Variants in PTCHD1 observed in about 807,000 individuals in gnomAD.
PTCHD1 encodes the protein patched domain-containing protein 1.
Under a neutral mutation model 34.6 loss-of-function variants are expected in PTCHD1, and 3 were observed. The ratio of observed to expected loss-of-function variants is 0.09; its 90% CI spans 0.04 to 0.22. The LOEUF is 0.22. PTCHD1 is among the 10% of genes least tolerant of loss of function. PTCHD1 has a pLI of 1.00. For missense variants in PTCHD1, 504 were observed against 685.5 expected, an observed-to-expected ratio of 0.74 and a Z score of 2.96; for synonymous variants, 305 against 283.1, an observed-to-expected ratio of 1.08 and a Z score of -0.77.
chrX:23,392,433 G>A (rs1463476663), intron 2 of PTCHD1, 98 bp from the exon 3 acceptor site: 6 of 586,994 alleles, frequency 1.0e-5, no homozygotes, highest in East Asian at 6.7e-5. Flanking sequence ...GGTTGATTAC[G>A]TTTCCTTTGA....
chrX:23,363,338 C>G (rs1485577719), intron 1 of PTCHD1, among the ~76,000 whole-genome samples: 1 of 112,593 alleles, frequency 8.9e-6, no homozygotes, highest in African/African-American at 3.2e-5. Context: ...GCTTTGTTTA[C>G]CTGCTCAAGC....
At chrX:23,334,760 C>G (rs1217519444), upstream of PTCHD1, 1 of 146,286 alleles carries the variant, frequency 6.8e-6, no homozygotes, top group Admixed American at 1.0e-4. Context: ...TCGCCGCCGC[C>G]GCCGTCGCCG....
At chrX:23,372,859 T>C (rs1922315026) in intron 1 of PTCHD1, among the ~76,000 whole-genome samples, 1 of 112,039 alleles carries the variant, frequency 8.9e-6, no homozygotes, top group Admixed American at 9.5e-5. Flanking sequence ...AGTGAGGATT[T>C]AGGGAATTTA....
intron 1 of PTCHD1, among the ~76,000 whole-genome samples, chrX:23,378,009 T>C (rs1023092539): frequency 1.8e-5 from 2 of 112,083 alleles, no homozygotes; most frequent in Admixed American, 9.5e-5. Flanking sequence ...TCATCAGATA[T>C]GTCATAATGG....
rs868127808 is a variant in PTCHD1 at position 23,335,212 on chromosome X, G to A, written c.337G>A (p.Asp113Asn). The A allele has an allele frequency of 3.3e-6, 4 of 1,207,444 alleles. No homozygotes were observed. In the African/African-American group the frequency reaches 5.2e-5, roughly 16 times the overall value. ...CAACATGCTGGACCAGCATCACACCGACCTGATCTTAAAGGTGAGAGGGGA... is the reference window on the plus strand; with the variant it reads ...CAACATGCTGGACCAGCATCACACCAACCTGATCTTAAAGGTGAGAGGGGA... ...KANMLDQHHT[D>N]LILKLHAAVT... Residue 113 changes from aspartate (D) to asparagine (N), a missense_variant, in exon 1 of 3, where the codon GAC (aspartate) becomes AAC (asparagine). Physicochemically the swap from Asp to Asn is conservative, Grantham distance 23. Transcript: ENST00000379361.
At position 23,396,576 on chromosome X, in the gene PTCHD1, G is replaced by A. The variant is rs1177937690; in HGVS notation, c.*2391G>A. 8.9e-6 allele frequency: 1 copy of A among 112,118 alleles called. No individual in the cohort carries two copies. Among genetic ancestry groups the A allele is most frequent in the Non-Finnish European group, 1.9e-5 (1 of 53,161 alleles). The allele number at this position is 112,118 out of a possible 1,213,427, so 9.2% of individuals were successfully genotyped here. On this transcript the variant is annotated 3_prime_UTR_variant, in exon 3 of 3. Coordinates refer to ENST00000379361, the MANE Select transcript of PTCHD1 (RefSeq NM_173495.3). ...GACACAACACACACACCAATTAAAT[G>A]GATTTTGTTGAGAATTTAATCATTC...
At chrX:23,361,640 C>T (rs1921987325) in intron 1 of PTCHD1, among the ~76,000 whole-genome samples, 1 of 111,722 alleles carries the variant, frequency 9.0e-6, no homozygotes, top group Non-Finnish European at 1.9e-5. Context: ...GGGCATTTAG[C>T]CCATTTACAT....
rs1358854548 is a variant in PTCHD1, at chrX:23,396,293, GAAGATAAT to G, written c.*2112_*2119del. On this transcript the variant is annotated 3_prime_UTR_variant, in exon 3 of 3. Coordinates refer to ENST00000379361, the MANE Select transcript of PTCHD1 (RefSeq NM_173495.3). Reference sequence around the variant, plus strand: ...TACCAACGTGTTATACACTCAACTAGAAGATAATAAGCTTTAATCTGAGGGCAAGTACA... The same window carrying G: ...TACCAACGTGTTATACACTCAACTAGAAGCTTTAATCTGAGGGCAAGTACA... The G allele has an allele frequency of 8.9e-6, 1 of 112,089 alleles. No individual in the cohort carries two copies. Among genetic ancestry groups the G allele is most frequent in the African/African-American group, 3.3e-5 (1 of 30,742 alleles). The allele number at this position is 112,089 out of a possible 1,213,427, so 9.2% of individuals were successfully genotyped here. A position where few individuals can be genotyped will look rare whatever the true frequency, so the allele number is the denominator to read the frequency against.
rs1159205068 is a variant in PTCHD1, at chrX:23,401,101, G to T, written c.*6916G>T. Reference sequence around the variant, plus strand: ...TCACCGTGTTACCCATGATAGTCTCGATCTCCTAACCTCGTGATCCACCCG... The same window carrying T: ...TCACCGTGTTACCCATGATAGTCTCTATCTCCTAACCTCGTGATCCACCCG... On this transcript the variant is annotated 3_prime_UTR_variant, in exon 3 of 3. Transcript: ENST00000379361. The T allele has an allele frequency of 9.4e-6, 1 of 106,265 alleles. No individual in the cohort carries two copies. Among genetic ancestry groups the T allele is most frequent in the African/African-American group, 3.5e-5 (1 of 28,754 alleles). 8.8% of individuals were successfully genotyped at this position (106,265 alleles called of 1,213,427 possible). A position where few individuals can be genotyped will look rare whatever the true frequency, so the allele number is the denominator to read the frequency against.
intron 1 of PTCHD1, among the ~76,000 whole-genome samples, chrX:23,369,675 A>C (rs748256346): frequency 2.7e-5 from 3 of 111,784 alleles, no homozygotes; most frequent in Non-Finnish European, 5.6e-5. Context: ...AGTACCTTTT[A>C]GTTTCCTTCT....
At chrX:23,357,792 C>T (rs991659967) in intron 1 of PTCHD1, among the ~76,000 whole-genome samples, 1 of 111,344 alleles carries the variant, frequency 9.0e-6, no homozygotes, top group African/African-American at 3.3e-5. Context: ...GTATTTCTCC[C>T]AGTGCCATCC....
Position 23,403,843 on chromosome X carries a change from A to G in PTCHD1, c.*9658A>G, listed in dbSNP as rs779050728. 1.8e-5 allele frequency: 2 copies of G among 111,888 alleles called. No individual in the cohort carries two copies. The highest frequency in any genetic ancestry group is 3.8e-5 in the Non-Finnish European group (2 of 53,201). 9.2% of individuals were successfully genotyped at this position (111,888 alleles called of 1,213,427 possible). A position where few individuals can be genotyped will look rare whatever the true frequency, so the allele number is the denominator to read the frequency against. On this transcript the variant is annotated 3_prime_UTR_variant, in exon 3 of 3. Coordinates refer to ENST00000379361, the MANE Select transcript of PTCHD1 (RefSeq NM_173495.3). Reference sequence around the variant, plus strand: ...TGTACAGTATTTTTCCCTTTTAAAGATAGTTTAAAAAATCAAGGTAATAAA... The same window carrying G: ...TGTACAGTATTTTTCCCTTTTAAAGGTAGTTTAAAAAATCAAGGTAATAAA...
rs1307661167 is a variant in PTCHD1 at position 23,396,664 on chromosome X, A to G, written c.*2479A>G. 1.8e-5 allele frequency: 2 copies of G among 111,862 alleles called. No individual in the cohort carries two copies. Among genetic ancestry groups the G allele is most frequent in the Non-Finnish European group, 3.8e-5 (2 of 53,092 alleles). The allele number at this position is 111,862 out of a possible 1,213,427, so 9.2% of individuals were successfully genotyped here. A position where few individuals can be genotyped will look rare whatever the true frequency, so the allele number is the denominator to read the frequency against. On this transcript the variant is annotated 3_prime_UTR_variant, in exon 3 of 3. Coordinates refer to ENST00000379361, the MANE Select transcript of PTCHD1 (RefSeq NM_173495.3). ...TTTTATGACAGATAATAGTTTTCCAACTTGATTGAGTCTCTGTATACCCTG... is the reference window on the plus strand; with the variant it reads ...TTTTATGACAGATAATAGTTTTCCAGCTTGATTGAGTCTCTGTATACCCTG...
At position 23,394,399 on chromosome X, in the gene PTCHD1, C is replaced by CACACACATAG; in HGVS notation, c.*222_*231dup. The CACACACATAG allele has an allele frequency of 2.9e-6, 1 of 348,640 alleles. No homozygotes were observed. Among genetic ancestry groups the CACACACATAG allele is most frequent in the Non-Finnish European group, 4.8e-6 (1 of 206,968 alleles). 28.7% of individuals were successfully genotyped at this position (348,640 alleles called of 1,213,427 possible). A position where few individuals can be genotyped will look rare whatever the true frequency, so the allele number is the denominator to read the frequency against. On this transcript the variant is annotated 3_prime_UTR_variant, in exon 3 of 3. Transcript: ENST00000379361. The stretch of plus-strand genomic sequence containing the variant: ...ACAAAGGAGTTGTTATGAGAATTCA[C>CACACACATAG]ACACACATAGACACACACACACACA...
chrX:23,354,608 T>C (rs866039162), intron 1 of PTCHD1, among the ~76,000 whole-genome samples: 15 of 102,506 alleles, frequency 1.5e-4, no homozygotes, highest in Middle Eastern at 9.8e-3. Flanking sequence ...AGTCTCGCTC[T>C]GTCTCCCAGG....
At chrX:23,366,955 C>T (rs1464896913) in intron 1 of PTCHD1, among the ~76,000 whole-genome samples, 1 of 106,118 alleles carries the variant, frequency 9.4e-6, no homozygotes, top group Non-Finnish European at 1.9e-5. Context: ...CACACACACC[C>T]CTGCATCCCC....
intron 1 of PTCHD1, 120 bp from the exon 2 acceptor site, chrX:23,379,471 G>A (rs1321063083): frequency 6.7e-6 from 5 of 750,682 alleles, no homozygotes; most frequent in Non-Finnish European, 9.6e-6. Context: ...ACCTATTTCT[G>A]ATCTAGGTTT....
At chrX:23,357,509 A>G (rs1029086900) in intron 1 of PTCHD1, among the ~76,000 whole-genome samples, 29 of 110,620 alleles carry the variant, frequency 2.6e-4, no homozygotes, top group African/African-American at 9.5e-4. Flanking sequence ...CCAAAATTCC[A>G]CCCATGAGTC....
At chrX:23,390,529 A>C (rs1922803718) in intron 2 of PTCHD1, among the ~76,000 whole-genome samples, 1 of 111,727 alleles carries the variant, frequency 9.0e-6, no homozygotes, top group Non-Finnish European at 1.9e-5. Flanking sequence ...AATTAACAAC[A>C]GGATGCCAGT....
Sources: allele counts gnomAD v4.1 joint callset (sites outside exome capture counted in the v4.1 genomes callset), GRCh38; gene constraint gnomAD v4.1.1; transcripts MANE v1.5; gene names NCBI Gene and HGNC (gene_info 2026-07-23, HGNC 2026-07-21).